Variants in HAAO observed in about 807,000 individuals in gnomAD.
The protein encoded by HAAO is 3-hydroxyanthranilate 3,4-dioxygenase.
In HAAO, 49 loss-of-function variants were observed where a neutral mutation model predicts 46.2. That is an observed-to-expected ratio of 1.06 (90% confidence interval 0.84 to 1.34). The LOEUF (loss-of-function observed/expected upper bound fraction) is 1.34, where lower values mean the gene tolerates loss of function less well. Ranked by LOEUF, HAAO falls within the 40% of genes most tolerant of loss-of-function variation. The pLI, the probability that HAAO is intolerant of heterozygous loss-of-function variation, is 0.00. For missense variants in HAAO, 408 were observed against 364.5 expected (o/e 1.12, Z -0.97); for synonymous variants, 157 against 145.2 (o/e 1.08, Z -0.58).
chr2:42,791,169 G>A lies in HAAO; in HGVS notation c.80+1288C>T, dbSNP rs114899246. On this transcript the variant is annotated intron_variant, in intron 1 of 9. Coordinates refer to ENST00000294973, the MANE Select transcript of HAAO (RefSeq NM_012205.3). ...GTAGGGTGAGCCCCTGATCCAATAT[G>A]TCTGGTGTTCTTTTAAAAGAGGGAA... Among the ~76,000 whole-genome samples the A allele has an allele frequency of 3.9e-3, 588 of 152,292 alleles. 4 individuals are homozygous for A. Among genetic ancestry groups the A allele is most frequent in the African/African-American group, 0.013 (560 of 41,556 alleles).
chr2:42,771,395 C>T (rs539066008), intron 4 of HAAO, among the ~76,000 whole-genome samples: 7 of 150,884 alleles, frequency 4.6e-5, no homozygotes, highest in Non-Finnish European at 2.9e-5. Flanking sequence ...CCGCCGCATT[C>T]CAGCCTGGGT....
intron 3 of HAAO, 46 bp from the exon 4 acceptor site, chr2:42,783,466 TG>T: frequency 8.0e-7 from 1 of 1,254,096 alleles, no homozygotes; most frequent in Non-Finnish European, 1.2e-6. Flanking sequence ...CAATCCCTCA[TG>T]GAGACCTTAG....
intron 4 of HAAO, among the ~76,000 whole-genome samples, chr2:42,772,835 G>C (rs142595472): frequency 1.1e-3 from 166 of 150,842 alleles, no homozygotes; most frequent in African/African-American, 3.8e-3. Context: ...CTGGTGACCT[G>C]ATGGGAAACT....
chr2:42,776,239 T>TG (rs1671568499), intron 4 of HAAO, among the ~76,000 whole-genome samples: 1 of 145,234 alleles, frequency 6.9e-6, no homozygotes, highest in East Asian at 2.0e-4. Flanking sequence ...ATCTTTTTTT[T>TG]TTTTTTTTTT....
intron 4 of HAAO, chr2:42,783,048 A>G (rs975024006): frequency 1.9e-6 from 1 of 536,648 alleles, no homozygotes; most frequent in Non-Finnish European, 3.4e-6. Flanking sequence ...TCACGCAGAA[A>G]GCACAGATTC....
chr2:42,782,480 G>A (rs1485086414), intron 4 of HAAO, among the ~76,000 whole-genome samples: 1 of 152,170 alleles, frequency 6.6e-6, no homozygotes, highest in Non-Finnish European at 1.5e-5. Flanking sequence ...TCCTAGCCAT[G>A]AGACATCAGA....
intron 1 of HAAO, among the ~76,000 whole-genome samples, 182 bp from the exon 2 acceptor site, chr2:42,788,789 C>G (rs778041479): frequency 6.6e-6 from 1 of 152,202 alleles, no homozygotes; most frequent in Non-Finnish European, 1.5e-5. Context: ...ATCTAAGTGT[C>G]TATGTGTCTG....
intron 4 of HAAO, among the ~76,000 whole-genome samples, chr2:42,773,277 T>C (rs915298880): frequency 1.3e-5 from 2 of 152,202 alleles, no homozygotes; most frequent in African/African-American, 4.8e-5. Context: ...AATAAATACA[T>C]GCAAAGACCT....
chr2:42,767,333 G>A lies in HAAO; in HGVS notation c.*104C>T, dbSNP rs928342811. ...TGTGCAGGTCTGTGGGGGACACAGCGGCAGTACACAGAGAGGTAGTGGGGG... is the reference window on the plus strand; with the variant it reads ...TGTGCAGGTCTGTGGGGGACACAGCAGCAGTACACAGAGAGGTAGTGGGGG... On this transcript the variant is annotated 3_prime_UTR_variant, in exon 10 of 10. Coordinates refer to ENST00000294973, the MANE Select transcript of HAAO (RefSeq NM_012205.3). 1.4e-5 allele frequency: 11 copies of A among 780,972 alleles called. No homozygotes were observed. The highest frequency in any genetic ancestry group is 3.5e-4 in the Middle Eastern group (1 of 2,894). 48.4% of individuals were successfully genotyped at this position (780,972 alleles called of 1,614,324 possible).
chr2:42,768,828 G>A (rs998494026), intron 7 of HAAO, among the ~76,000 whole-genome samples: 6 of 152,058 alleles, frequency 3.9e-5, no homozygotes, highest in Admixed American at 3.9e-4. Context: ...CAGGACCTGG[G>A]CCCTGCCTGC....
chr2:42,767,115 G>C lies in HAAO; in HGVS notation c.*322C>G. On this transcript the variant is annotated 3_prime_UTR_variant, in exon 10 of 10. Coordinates refer to ENST00000294973, the MANE Select transcript of HAAO (RefSeq NM_012205.3). ...GCGTTCCTCAGGAAGCCTTTATTGA[G>C]GGCCTTCTTGGTGTGGAAGTGCTGC... 2.2e-6 allele frequency: 1 copy of C among 463,110 alleles called. No individual in the cohort carries two copies. The highest frequency in any genetic ancestry group is 4.0e-6 in the Non-Finnish European group (1 of 250,408). The allele number at this position is 463,110 out of a possible 1,614,324, so 28.7% of individuals were successfully genotyped here. A position where few individuals can be genotyped will look rare whatever the true frequency, so the allele number is the denominator to read the frequency against.
chr2:42,772,289 T>G (rs1305126144), intron 4 of HAAO, among the ~76,000 whole-genome samples: 3 of 152,194 alleles, frequency 2.0e-5, no homozygotes. Context: ...GAGACCAGCC[T>G]GGCCAACATG....
At chr2:42,777,301 C>T (rs1271768084) in intron 4 of HAAO, among the ~76,000 whole-genome samples, 3 of 72,552 alleles carry the variant, frequency 4.1e-5, no homozygotes, top group East Asian at 3.1e-4. Context: ...AGACTCTTAT[C>T]GCAAAAAAAA....
chr2:42,773,966 A>G (rs766770045), intron 4 of HAAO, among the ~76,000 whole-genome samples: 6 of 152,138 alleles, frequency 3.9e-5, no homozygotes, highest in African/African-American at 7.2e-5. Context: ...CTCTGGAGAG[A>G]CTAATCGGAA....
chr2:42,771,997 A>T (rs1055702415), intron 4 of HAAO, among the ~76,000 whole-genome samples: 3 of 152,202 alleles, frequency 2.0e-5, no homozygotes, highest in Non-Finnish European at 2.9e-5. Context: ...AAGCAGCCAG[A>T]TGAAATGTGT....
intron 4 of HAAO, among the ~76,000 whole-genome samples, chr2:42,772,480 C>CAA (rs765907105): frequency 2.5e-4 from 30 of 119,428 alleles, no homozygotes; most frequent in Middle Eastern, 8.7e-3. Flanking sequence ...GACTCCATCT[C>CAA]AAAAAAAAAA....
intron 4 of HAAO, among the ~76,000 whole-genome samples, chr2:42,779,245 A>G (rs1241930565): frequency 5.9e-5 from 9 of 152,194 alleles, no homozygotes; most frequent in Non-Finnish European, 1.2e-4. Flanking sequence ...ACTGACTCCT[A>G]AATATAGGTT....
At chr2:42,788,212 C>T (rs770030492) in intron 2 of HAAO, among the ~76,000 whole-genome samples, 18 of 152,214 alleles carry the variant, frequency 1.2e-4, no homozygotes, top group East Asian at 3.9e-4. Flanking sequence ...GGGACCAGGA[C>T]GTCCCCCTTC....
rs561237975 is a variant in HAAO at position 42,770,360 on chromosome 2, C to G, written c.440+133G>C. ...CCTCCCAGCGGGGCTGCTGCTCCCCCCTCCCCCCGGCCTGGCAGTGGGCTC... is the reference window on the plus strand; with the variant it reads ...CCTCCCAGCGGGGCTGCTGCTCCCCGCTCCCCCCGGCCTGGCAGTGGGCTC... On this transcript the variant is annotated intron_variant, in intron 5 of 9. Transcript: ENST00000294973. The G allele has an allele frequency of 1.5e-3, 1,320 of 890,062 alleles. 2 individuals are homozygous for G. Among genetic ancestry groups the G allele is most frequent in the Admixed American group, 2.0e-3 (87 of 43,488 alleles). The allele number at this position is 890,062 out of a possible 1,614,324, so 55.1% of individuals were successfully genotyped here.
Sources: allele counts gnomAD v4.1 joint callset (sites outside exome capture counted in the v4.1 genomes callset), GRCh38; gene constraint gnomAD v4.1.1; transcripts MANE v1.5; gene names NCBI Gene and HGNC (gene_info 2026-07-23, HGNC 2026-07-21).